The following SCNN1B variants were observed in gnomAD, a reference collection of about 807,000 sequenced individuals.
SCNN1B encodes the protein epithelial sodium channel subunit beta.
A neutral mutation model predicts 65.3 loss-of-function variants in SCNN1B; 46 were observed. That is an observed-to-expected ratio of 0.70 (90% CI 0.56 to 0.90). The LOEUF is 0.90. Among genes scored for constraint, SCNN1B ranks in the 40% least tolerant of loss-of-function variants. The probability of loss-of-function intolerance (pLI) is 0.00; values close to 1 mark genes in which losing one functional copy is unlikely to be tolerated. For synonymous variants in SCNN1B, 349 were observed against 330.6 expected, an observed-to-expected ratio of 1.06 and a Z score of -0.60; for missense variants, 751 against 830.5, an observed-to-expected ratio of 0.90 and a Z score of 1.18.
chr16:23,380,311 G>C lies in SCNN1B; in HGVS notation c.1543-110G>C. ...CCAAGTTATTCCCCTGGGCCAAGAT[G>C]GTCACCCCCTCCCGTTCCCACCCAA... On this transcript the variant is annotated intron_variant, in intron 12 of 12. Transcript: ENST00000343070. This position sits in a 1 kb window ranked among gnomAD's most constrained non-coding sequence, Gnocchi z 5.4. 1 of 1,560,160 alleles carries C rather than the reference G, an allele frequency of 6.4e-7. No individual in the cohort carries two copies. Among genetic ancestry groups the C allele is most frequent in the Admixed American group, 1.7e-5 (1 of 59,290 alleles).
chr16:23,321,075 C>T (rs191876443), intron 1 of SCNN1B, among the ~76,000 whole-genome samples: 5 of 152,240 alleles, frequency 3.3e-5, no homozygotes, highest in Admixed American at 6.5e-5. Context: ...GACAGAGTCT[C>T]GCTCTGTCGC....
intron 1 of SCNN1B, among the ~76,000 whole-genome samples, chr16:23,320,414 G>C (rs1961562898): frequency 6.6e-6 from 1 of 152,156 alleles, no homozygotes; most frequent in Admixed American, 6.6e-5. Context: ...CAAGGGTTGG[G>C]GGGCCCCGCA....
At chr16:23,295,354 G>A (rs1453055547) in intron 2 of SCNN1B, among the ~76,000 whole-genome samples, 2 of 151,934 alleles carry the variant, frequency 1.3e-5, no homozygotes, top group African/African-American at 4.8e-5. Context: ...CGAGTAGCTG[G>A]AACTGTAGGA....
chr16:23,336,322 C>T (rs1457405343), intron 1 of SCNN1B, among the ~76,000 whole-genome samples: 2 of 151,862 alleles, frequency 1.3e-5, no homozygotes, highest in Non-Finnish European at 2.9e-5. Flanking sequence ...TGCTTCAGCC[C>T]GTGAAAGACA....
intron 1 of SCNN1B, among the ~76,000 whole-genome samples, chr16:23,305,594 TATATA>T (rs1961200037): frequency 8.4e-6 from 1 of 119,406 alleles, no homozygotes; most frequent in Non-Finnish European, 1.8e-5. Flanking sequence ...TATATATATA[TATATA>T]ACCTGGGTGT....
chr16:23,370,928 C>A (rs1962769124), intron 5 of SCNN1B, among the ~76,000 whole-genome samples: 1 of 152,204 alleles, frequency 6.6e-6, no homozygotes, highest in Admixed American at 6.5e-5. Flanking sequence ...AAAGGCATAG[C>A]AGGAGGAAGG....
At chr16:23,376,345 CGTGT>C (rs10584896) in intron 8 of SCNN1B, among the ~76,000 whole-genome samples, 2,890 of 148,490 alleles carry the variant, frequency 0.019, 69 homozygotes, top group African/African-American at 0.058. Context: ...CTTTTGTGCA[CGTGT>C]GTGTGTGTGT....
chr16:23,332,206 T>C (rs1008916522), intron 1 of SCNN1B, among the ~76,000 whole-genome samples: 93 of 151,820 alleles, frequency 6.1e-4, no homozygotes, highest in African/African-American at 2.2e-3. Flanking sequence ...TTTTTTTTTT[T>C]CTTTTTTGAG....
chr16:23,363,894 G>A (rs766963940), intron 4 of SCNN1B, among the ~76,000 whole-genome samples: 6 of 152,052 alleles, frequency 3.9e-5, no homozygotes, highest in Admixed American at 1.3e-4. Flanking sequence ...AGGGCCAGGT[G>A]CAGTGACTCA....
chr16:23,380,380 A>T lies in SCNN1B; in HGVS notation c.1543-41A>T, dbSNP rs773608393. ...CTGTGAGGCTGGGCTAGAGGCAAGA[A>T]TGTGTGGCCTGAGCTCACCCCAGCT... is the stretch of plus-strand genomic sequence containing the variant. On this transcript the variant is annotated intron_variant, in intron 12 of 12. Coordinates refer to ENST00000343070, the MANE Select transcript of SCNN1B (RefSeq NM_000336.3). The surrounding 1 kb of genome is among the most constrained non-coding windows in gnomAD (Gnocchi z 5.4). 1.9e-6 allele frequency: 3 copies of T among 1,613,518 alleles called. No homozygotes were observed. In the South Asian group the frequency reaches 3.3e-5, roughly 18 times the overall value.
At chr16:23,334,412 C>A (rs186652206) in intron 1 of SCNN1B, among the ~76,000 whole-genome samples, 400 of 152,244 alleles carry the variant, frequency 2.6e-3, no homozygotes, top group African/African-American at 9.4e-3. Flanking sequence ...ATACTGTATG[C>A]ACAGGATTCA....
upstream of SCNN1B, among the ~76,000 whole-genome samples, chr16:23,297,414 G>A (rs922835388): frequency 1.3e-5 from 2 of 152,204 alleles, no homozygotes. Flanking sequence ...GCAAGCAACA[G>A]ATACCCCAAG....
chr16:23,330,205 C>T (rs530286937), intron 1 of SCNN1B, among the ~76,000 whole-genome samples: 4 of 152,272 alleles, frequency 2.6e-5, no homozygotes, highest in Admixed American at 2.0e-4. Context: ...CCAGGGACCC[C>T]GACTCGGCAG....
At chr16:23,364,337 G>C (rs1387116549) in intron 4 of SCNN1B, among the ~76,000 whole-genome samples, 2 of 152,190 alleles carry the variant, frequency 1.3e-5, no homozygotes, top group Admixed American at 1.3e-4. Flanking sequence ...GAAGGATGGG[G>C]AGAAGCCAGT....
chr16:23,335,870 G>T (rs565281185), intron 1 of SCNN1B, among the ~76,000 whole-genome samples: 1 of 152,148 alleles, frequency 6.6e-6, no homozygotes, highest in African/African-American at 2.4e-5. Context: ...AATAAGACCT[G>T]TATCTTAGAG....
At chr16:23,349,900 C>A (rs1415038722) in intron 2 of SCNN1B, among the ~76,000 whole-genome samples, 1 of 151,854 alleles carries the variant, frequency 6.6e-6, no homozygotes, top group East Asian at 1.9e-4. Context: ...GAGTTTGAGA[C>A]CAGTCTGGCC....
At chr16:23,328,959 T>C (rs1961752252) in intron 1 of SCNN1B, among the ~76,000 whole-genome samples, 1 of 149,582 alleles carries the variant, frequency 6.7e-6, no homozygotes, top group Non-Finnish European at 1.5e-5. Flanking sequence ...CCATACCCAG[T>C]TCATTTTTTA....
intron 2 of SCNN1B, among the ~76,000 whole-genome samples, chr16:23,288,211 T>C (rs921200463): frequency 1.3e-5 from 2 of 152,076 alleles, no homozygotes; most frequent in Non-Finnish European, 2.9e-5. Flanking sequence ...CTTCTTTTAT[T>C]AGCTAGGATA....
intron 5 of SCNN1B, among the ~76,000 whole-genome samples, chr16:23,370,575 A>C (rs960920313): frequency 6.6e-6 from 1 of 152,200 alleles, no homozygotes; most frequent in Non-Finnish European, 1.5e-5. Flanking sequence ...GAGGGGAAGG[A>C]AGACAGACAA....
Sources: gnomAD v4.1 joint callset for allele counts (sites outside exome capture counted in the v4.1 genomes callset) on GRCh38, gnomAD v4.1.1 for gene constraint, Gnocchi (gnomAD v3.1) non-coding constraint, MANE v1.5 for transcripts, NCBI Gene and HGNC (gene_info 2026-07-23, HGNC 2026-07-21) for gene names.